The following PCDHA4 variants were observed in gnomAD, a reference collection of about 807,000 sequenced individuals.
The protein encoded by PCDHA4 is protocadherin alpha-4.
PCDHA4 carries 49 observed loss-of-function variants against 61.4 expected under a neutral mutation model. That is an observed-to-expected ratio of 0.80 (90% CI 0.63 to 1.01). The LOEUF (loss-of-function observed/expected upper bound fraction) is 1.01, where lower values mean the gene tolerates loss of function less well. Among genes scored for constraint, PCDHA4 ranks in the 50% least tolerant of loss-of-function variants. PCDHA4 has a pLI of 0.00. For synonymous variants in PCDHA4, 590 were observed against 550.3 expected (o/e 1.07, Z -1.01); for missense variants, 1,254 against 1,235.8 (o/e 1.01, Z -0.22).
chr5:140,926,825 G>T (rs937740656), intron 1 of PCDHA4: 2 of 1,499,696 alleles, frequency 1.3e-6, no homozygotes, highest in Admixed American at 4.7e-5. Flanking sequence ...CTCTCCAGGA[G>T]TCCGGAGCAT....
rs949440782 is a variant in PCDHA4, at chr5:140,807,357, C to A, written c.170C>A (p.Ala57Glu). 1.2e-6 allele frequency: 2 copies of A among 1,610,572 alleles called. No homozygotes were observed. The highest frequency in any genetic ancestry group is 1.7e-6 in the Non-Finnish European group (2 of 1,179,250). The stretch of plus-strand genomic sequence containing the variant: ...GCGCAGGACCTGGGACTGGAGCTGG[C>A]GGAGCTGGTGCCGCGCCTGTTCCGG... Reference protein sequence around the residue: ...RIAQDLGLELAELVPRLFRVA... With the variant: ...RIAQDLGLELEELVPRLFRVA... The change falls in exon 1 of 4, where the codon GCG becomes GAG. Residue 57 changes from alanine (A) to glutamate (E), a missense_variant. Coordinates refer to ENST00000530339, the MANE Select transcript of PCDHA4 (RefSeq NM_018907.4).
Position 140,808,541 on chromosome 5 carries a change from G to A in PCDHA4, c.1354G>A (p.Ala452Thr), listed in dbSNP as rs782256529. ...GGAGGTGGCTGATGTGAACGACAAC[G>A]CTCCGGCGTTCGCGCAGCCCGAGTA... ...SVEVADVNDNAPAFAQPEYTV... is the reference protein window; with the variant it reads ...SVEVADVNDNTPAFAQPEYTV... Residue 452 changes from alanine (A) to threonine (T), a missense_variant, in exon 1 of 4, where the codon GCT (alanine) becomes ACT (threonine). Transcript: ENST00000530339. 2 of 1,614,166 alleles carry A rather than the reference G, an allele frequency of 1.2e-6. No individual in the cohort carries two copies. The highest frequency in any genetic ancestry group is 1.7e-6 in the Non-Finnish European group (2 of 1,180,042).
At chr5:140,830,159 G>A (rs2150182204) in intron 1 of PCDHA4, 33 of 1,613,266 alleles carry the variant, frequency 2.0e-5, no homozygotes, top group Non-Finnish European at 2.7e-5. Flanking sequence ...CGCGGGCCCA[G>A]AGGCGGCGCT....
At chr5:140,959,602 C>CTT (rs1554224184) in intron 1 of PCDHA4, among the ~76,000 whole-genome samples, 1 of 152,008 alleles carries the variant, frequency 6.6e-6, no homozygotes, top group African/African-American at 2.4e-5. Context: ...GTATAACATG[C>CTT]TTTTCTTGCT....
intron 1 of PCDHA4, chr5:140,862,883 G>T: frequency 1.8e-6 from 1 of 566,460 alleles, no homozygotes. Flanking sequence ...ATTAGTGCTG[G>T]AACGACAACT....
chr5:140,818,662 C>T (rs147553541), intron 1 of PCDHA4, among the ~76,000 whole-genome samples: 3 of 152,228 alleles, frequency 2.0e-5, no homozygotes, highest in African/African-American at 7.2e-5. Flanking sequence ...TATAGGGAGA[C>T]TCCATCTTTA....
At chr5:140,898,870 C>T (rs1477095887) in intron 1 of PCDHA4, among the ~76,000 whole-genome samples, 3 of 151,586 alleles carry the variant, frequency 2.0e-5, no homozygotes, top group South Asian at 4.2e-4. Context: ...TTTCATTGAG[C>T]AGTGGTTTGT....
intron 1 of PCDHA4, chr5:140,870,262 T>C (rs2051814541): frequency 6.2e-7 from 1 of 1,614,182 alleles, no homozygotes; most frequent in Non-Finnish European, 8.5e-7. Context: ...GGTGACCTGC[T>C]CGCTGACGCC....
At chr5:140,862,638 C>T (rs782579250) in intron 1 of PCDHA4, 2 of 539,918 alleles carry the variant, frequency 3.7e-6, no homozygotes, top group African/African-American at 1.9e-5. Flanking sequence ...GCCACGACTT[C>T]ACAGTGTCCG....
intron 1 of PCDHA4, chr5:140,842,364 C>T (rs1777899018): frequency 6.8e-6 from 11 of 1,607,810 alleles, no homozygotes; most frequent in East Asian, 2.2e-5. Flanking sequence ...GATAACGTCC[C>T]TGAGATAGCA....
chr5:140,940,029 C>T (rs1411990785), intron 1 of PCDHA4, among the ~76,000 whole-genome samples: 4 of 152,136 alleles, frequency 2.6e-5, no homozygotes, highest in East Asian at 1.9e-4. Flanking sequence ...TGTTTTAAGG[C>T]TATTTTATTT....
chr5:140,850,353 A>G, intron 1 of PCDHA4: 1 of 1,597,852 alleles, frequency 6.3e-7, no homozygotes, highest in Non-Finnish European at 8.6e-7. Context: ...CAGCGCGAGC[A>G]TCCCGTTCCG....
At chr5:140,937,705 G>T (rs892429555) in intron 1 of PCDHA4, among the ~76,000 whole-genome samples, 2 of 151,928 alleles carry the variant, frequency 1.3e-5, no homozygotes, top group Admixed American at 6.6e-5. Context: ...GAGGTCAGGA[G>T]ATCAAGACCA....
chr5:140,894,525 A>G (rs544789222), intron 1 of PCDHA4, among the ~76,000 whole-genome samples: 11 of 151,856 alleles, frequency 7.2e-5, no homozygotes, highest in African/African-American at 2.7e-4. Context: ...ATATGCTGTT[A>G]TGTGCCTTCT....
intron 1 of PCDHA4, chr5:140,864,867 C>A (rs868913325): frequency 3.9e-5 from 6 of 152,058 alleles, no homozygotes; most frequent in South Asian, 2.1e-4. Context: ...AAGGGTGATA[C>A]CATTGTCTGT....
intron 3 of PCDHA4, among the ~76,000 whole-genome samples, chr5:140,986,690 A>G (rs2097209589): frequency 6.6e-6 from 1 of 152,172 alleles, no homozygotes; most frequent in African/African-American, 2.4e-5. Flanking sequence ...AAAGTTTCAA[A>G]ACACACAGCA....
chr5:140,860,055 A>G (rs1466399941), intron 1 of PCDHA4: 6 of 151,228 alleles, frequency 4.0e-5, no homozygotes, highest in African/African-American at 1.2e-4. Context: ...TTGAGAGGCC[A>G]AGGTGGGAGG....
intron 1 of PCDHA4, chr5:140,836,420 G>A: frequency 6.2e-7 from 1 of 1,613,810 alleles, no homozygotes. Context: ...CAAAGGCGTC[G>A]TCGCGGGCAT....
rs1388292827 is a variant in PCDHA4, at chr5:140,857,492, G to A, written c.2385+47920G>A. On this transcript the variant is annotated intron_variant, in intron 1 of 3. Coordinates refer to ENST00000530339, the MANE Select transcript of PCDHA4 (RefSeq NM_018907.4). ...CTTCACGGTGTCTGCGTGGGACGCG[G>A]ACGCGCAGGAGAACGCCCTGGTGTC... 2 of 1,598,272 alleles carry A rather than the reference G, an allele frequency of 1.3e-6. No homozygotes were observed. The highest frequency in any genetic ancestry group is 1.7e-6 in the Non-Finnish European group (2 of 1,167,822).
Sources: allele counts gnomAD v4.1 joint callset (sites outside exome capture counted in the v4.1 genomes callset), GRCh38; gene constraint gnomAD v4.1.1; transcripts MANE v1.5; gene names NCBI Gene and HGNC (gene_info 2026-07-23, HGNC 2026-07-21).